Variants in PDGFC observed in about 807,000 individuals in gnomAD.
The protein encoded by PDGFC is platelet derived growth factor C, also known as platelet-derived growth factor C.
In PDGFC, 12 loss-of-function variants were observed where a neutral mutation model predicts 35.5. The ratio of observed to expected loss-of-function variants is 0.34; its 90% CI spans 0.22 to 0.55. The LOEUF (loss-of-function observed/expected upper bound fraction) is 0.55, where lower values mean the gene tolerates loss of function less well. PDGFC is among the 20% of genes least tolerant of loss of function. PDGFC has a pLI of 0.91. For synonymous variants in PDGFC, 159 were observed against 148.8 expected (o/e 1.07, Z -0.50); for missense variants, 322 against 412.4 (o/e 0.78, Z 1.90).
intron 1 of PDGFC, among the ~76,000 whole-genome samples, chr4:156,965,313 C>T (rs1732439733): frequency 6.6e-6 from 1 of 152,146 alleles, no homozygotes; most frequent in Non-Finnish European, 1.5e-5. Flanking sequence ...CTCTGCCATA[C>T]CTGTCTCAGG....
In PDGFC at chr4:156,960,252, T is replaced by TTATATATATATATATATATATATA. The variant is rs202066963; in HGVS notation, c.118+10533_118+10534insTATATATATATATATATATATATA. ...AAGCCATTTGATATATATATAACTG[T>TTATATATATATATATATATATATA]TATATATATATATATATATATAAAA... On this transcript the variant is annotated intron_variant, in intron 1 of 5. Coordinates refer to ENST00000502773, the MANE Select transcript of PDGFC (RefSeq NM_016205.3). 1.2e-3 allele frequency among the ~76,000 whole-genome samples: 167 copies of TTATATATATATATATATATATATA among 136,976 alleles called. 1 individual carries two copies. The highest frequency in any genetic ancestry group is 4.5e-3 in the African/African-American group (159 of 35,004). The allele number at this position is 136,976 out of a possible 152,430, so 89.9% of individuals were successfully genotyped here.
intron 3 of PDGFC, among the ~76,000 whole-genome samples, chr4:156,804,478 A>G (rs1731702901): frequency 6.6e-6 from 1 of 151,902 alleles, no homozygotes; most frequent in African/African-American, 2.4e-5. Context: ...TTGATTGCTT[A>G]TTGATTTTTT....
intron 1 of PDGFC, among the ~76,000 whole-genome samples, chr4:156,928,625 C>A (rs1336935385): frequency 6.6e-6 from 1 of 152,172 alleles, no homozygotes; most frequent in Non-Finnish European, 1.5e-5. Flanking sequence ...AGATATTGCA[C>A]CCCAATCCAC....
intron 2 of PDGFC, among the ~76,000 whole-genome samples, chr4:156,825,577 A>ATAATAATAATAATAATAC: frequency 2.7e-5 from 3 of 112,266 alleles, no homozygotes; most frequent in African/African-American, 1.2e-4. Flanking sequence ...AATAATAATA[A>ATAATAATAATAATAATAC]TAATAATAAT....
intron 1 of PDGFC, among the ~76,000 whole-genome samples, chr4:156,963,433 T>G (rs539467903): frequency 6.6e-6 from 1 of 151,884 alleles, no homozygotes. Context: ...ATCATACCAC[T>G]GCACTCCAGC....
At chr4:156,965,599 G>C (rs528719308) in intron 1 of PDGFC, among the ~76,000 whole-genome samples, 5 of 152,168 alleles carry the variant, frequency 3.3e-5, no homozygotes, top group Admixed American at 1.3e-4. Context: ...AAGAGCAGCT[G>C]GTTAGTGTTA....
At chr4:156,792,891 C>T (rs918005938) in intron 3 of PDGFC, among the ~76,000 whole-genome samples, 4 of 152,154 alleles carry the variant, frequency 2.6e-5, no homozygotes, top group Admixed American at 6.6e-5. Context: ...AGGAAACCCT[C>T]ACCTTCACCT....
At chr4:156,964,437 C>A (rs1732416260) in intron 1 of PDGFC, among the ~76,000 whole-genome samples, 1 of 147,100 alleles carries the variant, frequency 6.8e-6, no homozygotes, top group South Asian at 2.1e-4. Flanking sequence ...TATAGTGATA[C>A]TATATATACT....
chr4:156,798,791 A>G (rs540579515), intron 3 of PDGFC, among the ~76,000 whole-genome samples: 1 of 152,336 alleles, frequency 6.6e-6, no homozygotes, highest in East Asian at 1.9e-4. Flanking sequence ...AAAAAAACTA[A>G]TTACACTTAA....
intron 1 of PDGFC, among the ~76,000 whole-genome samples, chr4:156,944,135 C>T (rs995903123): frequency 6.6e-6 from 1 of 152,090 alleles, no homozygotes; most frequent in African/African-American, 2.4e-5. Context: ...GCCAGACTGC[C>T]CTTGCTGAAA....
At chr4:156,948,861 T>C (rs1225588965) in intron 1 of PDGFC, among the ~76,000 whole-genome samples, 1 of 151,970 alleles carries the variant, frequency 6.6e-6, no homozygotes, top group Non-Finnish European at 1.5e-5. Flanking sequence ...CATTTCTCTG[T>C]GGAGGCAGCA....
intron 1 of PDGFC, among the ~76,000 whole-genome samples, chr4:156,875,735 T>C (rs1204921705): frequency 2.0e-5 from 3 of 152,046 alleles, no homozygotes; most frequent in Non-Finnish European, 2.9e-5. Flanking sequence ...CTGGCCAACA[T>C]GGTGAAACCC....
At chr4:156,794,473 T>G (rs972012542) in intron 3 of PDGFC, among the ~76,000 whole-genome samples, 1 of 151,200 alleles carries the variant, frequency 6.6e-6, no homozygotes, top group African/African-American at 2.4e-5. Flanking sequence ...AGGGAAGCAT[T>G]TAAGAAGAGA....
intron 1 of PDGFC, among the ~76,000 whole-genome samples, chr4:156,939,152 T>C: frequency 6.6e-6 from 1 of 152,094 alleles, no homozygotes; most frequent in Non-Finnish European, 1.5e-5. Flanking sequence ...TAAAGAACTT[T>C]GGCTATTTAA....
chr4:156,867,711 G>T (rs567150882), intron 1 of PDGFC, among the ~76,000 whole-genome samples: 1 of 152,046 alleles, frequency 6.6e-6, no homozygotes, highest in Admixed American at 6.5e-5. Flanking sequence ...TGCTGTTCAC[G>T]AACTTGTGAT....
chr4:156,867,307 G>A (rs550877528), intron 1 of PDGFC, among the ~76,000 whole-genome samples: 1 of 152,154 alleles, frequency 6.6e-6, no homozygotes, highest in South Asian at 2.1e-4. Flanking sequence ...CTGCATTGAA[G>A]CCCCGGCCCT....
chr4:156,915,235 C>T (rs906211012), intron 1 of PDGFC, among the ~76,000 whole-genome samples: 2 of 152,146 alleles, frequency 1.3e-5, no homozygotes, highest in Non-Finnish European at 1.5e-5. Context: ...AGAGTAACAA[C>T]AAAATACAAA....
chr4:156,861,789 C>T lies in PDGFC; in HGVS notation c.119-11373G>A, dbSNP rs575656138. Among the ~76,000 whole-genome samples the T allele has an allele frequency of 3.3e-5, 5 of 152,248 alleles. No individual in the cohort carries two copies. The South Asian group carries it at 8.3e-4, about 25-fold the overall frequency. On this transcript the variant is annotated intron_variant, in intron 1 of 5. Transcript: ENST00000502773. ...CCTTGACTCTTCATTCTTCCCAGATCTTGCTCATTAACTCAACTAATAGCT... is the reference window on the plus strand; with the variant it reads ...CCTTGACTCTTCATTCTTCCCAGATTTTGCTCATTAACTCAACTAATAGCT...
intron 1 of PDGFC, among the ~76,000 whole-genome samples, chr4:156,930,736 T>C (rs546743511): frequency 1.3e-5 from 2 of 151,948 alleles, no homozygotes; most frequent in African/African-American, 4.8e-5. Flanking sequence ...GGAGTGGTGG[T>C]GCACGCCTGT....
Sources: gnomAD v4.1 joint callset for allele counts (sites outside exome capture counted in the v4.1 genomes callset) on GRCh38, gnomAD v4.1.1 for gene constraint, MANE v1.5 for transcripts, NCBI Gene and HGNC (gene_info 2026-07-23, HGNC 2026-07-21) for gene names.